The following ABCA4 variants were observed in gnomAD, a reference collection of about 807,000 sequenced individuals.
The protein encoded by ABCA4 is retinal-specific phospholipid-transporting ATPase ABCA4.
ABCA4 carries 196 observed loss-of-function variants against 263.7 expected under a neutral mutation model. The observed-to-expected ratio is 0.74, with a 90% CI of 0.66 to 0.84. The LOEUF is 0.84. Among genes scored for constraint, ABCA4 ranks in the 40% least tolerant of loss-of-function variants. The pLI is 0.00. For synonymous variants in ABCA4, 1,133 were observed against 1,094.2 expected (o/e 1.04, Z -0.70); for missense variants, 2,792 against 2,855.1 (o/e 0.98, Z 0.50).
intron 7 of ABCA4, among the ~76,000 whole-genome samples, chr1:94,081,095 G>A (rs994342667): frequency 6.6e-6 from 1 of 152,062 alleles, no homozygotes; most frequent in African/African-American, 2.4e-5. Flanking sequence ...CATGGTGGCG[G>A]GCCCCTGTAC....
intron 47 of ABCA4, among the ~76,000 whole-genome samples, chr1:93,999,714 G>A (rs1557758444): frequency 6.6e-6 from 1 of 152,176 alleles, no homozygotes; most frequent in Non-Finnish European, 1.5e-5. Context: ...ATGCAGAGGA[G>A]AAAGGCTGTT....
At chr1:94,085,682 C>T (rs911682919) in intron 6 of ABCA4, among the ~76,000 whole-genome samples, 1 of 152,224 alleles carries the variant, frequency 6.6e-6, no homozygotes, top group Non-Finnish European at 1.5e-5. Context: ...GCCATTACTA[C>T]GTTTTGACAC....
chr1:94,117,027 C>CTTTCTTTCT (rs1557812458), intron 1 of ABCA4, among the ~76,000 whole-genome samples: 50 of 45,320 alleles, frequency 1.1e-3, no homozygotes, highest in East Asian at 4.5e-3. Context: ...TCTTTCTTTC[C>CTTTCTTTCT]TTTTCTTTCT....
intron 6 of ABCA4, among the ~76,000 whole-genome samples, chr1:94,088,003 C>T: frequency 6.6e-6 from 1 of 152,134 alleles, no homozygotes; most frequent in East Asian, 1.9e-4. Flanking sequence ...TCCCTAGCTA[C>T]AGTCTAATTT....
intron 2 of ABCA4, among the ~76,000 whole-genome samples, chr1:94,111,982 G>A (rs574001449): frequency 6.6e-6 from 1 of 152,238 alleles, no homozygotes. Flanking sequence ...CCCCAAGCAT[G>A]CAGTAGGGCT....
intron 48 of ABCA4, among the ~76,000 whole-genome samples, chr1:93,997,432 A>ATTT (rs112489936): frequency 7.6e-6 from 1 of 132,198 alleles, no homozygotes; most frequent in African/African-American, 2.8e-5. Context: ...TAATTTTCTG[A>ATTT]TTTTTTTTTT....
In ABCA4 at chr1:94,040,137, A is replaced by G; in HGVS notation, c.3523-10T>C. 2 of 1,597,804 alleles carry G rather than the reference A, an allele frequency of 1.3e-6. No homozygotes were observed. The highest frequency in any genetic ancestry group is 1.7e-6 in the Non-Finnish European group (2 of 1,169,694). On this transcript the variant is annotated splice_polypyrimidine_tract_variant and intron_variant, in intron 23 of 49. Coordinates refer to ENST00000370225, the MANE Select transcript of ABCA4 (RefSeq NM_000350.3). ...AGCAGCTGCAGGTCCCCTGCAACAG[A>G]TGGATGGGATGACTGACAAGATGCA...
chr1:94,045,934 G>C (rs1660660058), intron 19 of ABCA4: 1 of 456,156 alleles, frequency 2.2e-6, no homozygotes, highest in Non-Finnish European at 4.4e-6. Context: ...TGGCGCTCGG[G>C]TCCCTTGGAG....
At chr1:94,114,273 A>C (rs4847197) in intron 1 of ABCA4, among the ~76,000 whole-genome samples, 151,837 of 152,284 alleles carry the variant, frequency 1, 75,699 homozygotes, top group Middle Eastern at 1. Flanking sequence ...TACTGGCAAC[A>C]AGATTATAAG....
chr1:94,001,136 G>C, intron 45 of ABCA4, 31 bp from the exon 46 acceptor site: 1 of 1,569,024 alleles, frequency 6.4e-7, no homozygotes, highest in South Asian at 1.1e-5. Context: ...TGGGGGCACA[G>C]GCTGGGAGCT....
At chr1:94,031,391 C>CATTTTAAAGA (rs1264952053) in intron 27 of ABCA4, among the ~76,000 whole-genome samples, 7 of 152,166 alleles carry the variant, frequency 4.6e-5, no homozygotes, top group African/African-American at 1.7e-4. Flanking sequence ...AAGAGCAAGT[C>CATTTTAAAGA]ACGTGACTCA....
chr1:94,025,920 T>A (rs1449909832), intron 30 of ABCA4, among the ~76,000 whole-genome samples: 1 of 152,238 alleles, frequency 6.6e-6, no homozygotes, highest in Non-Finnish European at 1.5e-5. Flanking sequence ...ATGACACAGT[T>A]GATTTGTGAC....
At chr1:94,032,327 G>C (rs143223891) in intron 26 of ABCA4, among the ~76,000 whole-genome samples, 2 of 152,132 alleles carry the variant, frequency 1.3e-5, no homozygotes, top group Non-Finnish European at 2.9e-5. Flanking sequence ...TTTAAAATAC[G>C]TAACTTGGTT....
At chr1:94,112,794 C>T (rs550028869) in intron 2 of ABCA4, among the ~76,000 whole-genome samples, 179 bp downstream of exon 2, 1 of 152,300 alleles carries the variant, frequency 6.6e-6, no homozygotes, top group South Asian at 2.1e-4. Flanking sequence ...GACCCTGTCT[C>T]TAAAGACTTT....
chr1:94,119,486 G>A (rs747398882), intron 1 of ABCA4, among the ~76,000 whole-genome samples: 7 of 152,188 alleles, frequency 4.6e-5, no homozygotes, highest in Non-Finnish European at 7.4e-5. Context: ...TTGTCCCTCG[G>A]CCCCACATGC....
At chr1:94,114,486 C>T (rs1006528226) in intron 1 of ABCA4, among the ~76,000 whole-genome samples, 1 of 138,942 alleles carries the variant, frequency 7.2e-6, no homozygotes, top group South Asian at 2.3e-4. Context: ...CTCCGTGAGG[C>T]ACTTTTTTTT....
In ABCA4 at chr1:94,077,822, A is replaced by G; in HGVS notation, c.1422T>C (p.Thr474=). 6.2e-7 allele frequency: 1 copy of G among 1,614,248 alleles called. No homozygotes were observed. ...LNRQLGEEGI[T]AEAILNFLYK... Reference sequence around the variant, plus strand: ...AGAGGAAGTTTAGGATGGCTTCAGCAGTAATACCTTCTTCACCAAGCTGCC... The same window carrying G: ...AGAGGAAGTTTAGGATGGCTTCAGCGGTAATACCTTCTTCACCAAGCTGCC... The change falls in exon 11 of 50, where the codon ACT becomes ACC. Residue 474 remains threonine (T), a synonymous_variant. Transcript: ENST00000370225.
rs61749416 is a variant in ABCA4 at position 94,062,592 on chromosome 1, C to G, written c.1922G>C (p.Cys641Ser). 5 of 1,614,166 alleles carry G rather than the reference C, an allele frequency of 3.1e-6. No homozygotes were observed. The highest frequency in any genetic ancestry group is 4.2e-6 in the Non-Finnish European group (5 of 1,180,032). ...TCAGACTCACGAATCGTCCACGAAG[C>G]AGGGGTAGGGCATCTGCTGGAGGTA... ...GIYLQQMPYP[C>S]FVDDSFMIIL... Residue 641 changes from cysteine to serine, a missense_variant, in exon 13 of 50, where the codon TGC (cysteine) becomes TCC (serine). Transcript: ENST00000370225.
chr1:93,998,956 G>A (rs180735161), intron 47 of ABCA4, among the ~76,000 whole-genome samples: 112 of 140,596 alleles, frequency 8.0e-4, no homozygotes, highest in Middle Eastern at 7.2e-3. Flanking sequence ...TCACTATGTT[G>A]GCCAGGCTGG....
Sources: allele counts gnomAD v4.1 joint callset (sites outside exome capture counted in the v4.1 genomes callset), GRCh38; gene constraint gnomAD v4.1.1; transcripts MANE v1.5; gene names NCBI Gene and HGNC (gene_info 2026-07-23, HGNC 2026-07-21).